EXOC6: variants seen among roughly 807,000 people sequenced by gnomAD.
EXOC6 encodes the protein SEC15-like 1.
A neutral mutation model predicts 112.5 loss-of-function variants in EXOC6; 60 were observed. The ratio of observed to expected loss-of-function variants is 0.53; its 90% CI spans 0.43 to 0.66. The LOEUF is 0.66. Among genes scored for constraint, EXOC6 ranks in the 30% least tolerant of loss-of-function variants. The pLI, the probability that EXOC6 is intolerant of heterozygous loss-of-function variation, is 0.00. For synonymous variants in EXOC6, 295 were observed against 308.0 expected (o/e 0.96, Z 0.44); for missense variants, 855 against 957.1 (o/e 0.89, Z 1.41).
At chr10:92,844,079 G>A (rs1846961571), upstream of EXOC6, among the ~76,000 whole-genome samples, 1 of 150,902 alleles carries the variant, frequency 6.6e-6, no homozygotes, top group African/African-American at 2.4e-5. Flanking sequence ...TGAACTTGGA[G>A]GGCGGAGGTT....
intron 5 of EXOC6, among the ~76,000 whole-genome samples, chr10:92,905,033 T>TC (rs1394528574): frequency 6.6e-6 from 1 of 152,218 alleles, no homozygotes; most frequent in South Asian, 2.1e-4. Flanking sequence ...GTCCAGTTGT[T>TC]CCAGCAGCAT....
intron 1 of EXOC6, among the ~76,000 whole-genome samples, chr10:92,837,103 C>A (rs1278067699): frequency 1.3e-5 from 2 of 148,944 alleles, no homozygotes; most frequent in Non-Finnish European, 1.5e-5. Flanking sequence ...ACATAACACA[C>A]ACACACACAC....
At chr10:92,957,515 T>G (rs575203495) in intron 17 of EXOC6, among the ~76,000 whole-genome samples, 1 of 152,336 alleles carries the variant, frequency 6.6e-6, no homozygotes, top group African/African-American at 2.4e-5. Flanking sequence ...AAGCCATAAC[T>G]ATCATTGCAT....
At chr10:92,842,917 A>G (rs1322526286) in intron 1 of EXOC6, among the ~76,000 whole-genome samples, 5 of 152,204 alleles carry the variant, frequency 3.3e-5, no homozygotes, top group Non-Finnish European at 5.9e-5. Context: ...ATTAAGAATT[A>G]CAAGATGGTG....
intron 17 of EXOC6, among the ~76,000 whole-genome samples, chr10:92,971,421 C>A (rs1022712256): frequency 6.6e-6 from 1 of 151,158 alleles, no homozygotes; most frequent in Admixed American, 6.6e-5. Context: ...GTCACCCAGG[C>A]TGGAGTGCAG....
intron 17 of EXOC6, among the ~76,000 whole-genome samples, chr10:92,973,595 C>T (rs537479882): frequency 6.6e-6 from 1 of 152,340 alleles, no homozygotes; most frequent in East Asian, 1.9e-4. Context: ...CTATCTCAAT[C>T]TCTTTCTCTT....
intron 19 of EXOC6, among the ~76,000 whole-genome samples, chr10:93,009,672 C>T (rs1414520683): frequency 2.0e-5 from 3 of 152,080 alleles, no homozygotes; most frequent in Non-Finnish European, 4.4e-5. Context: ...AGAGTTTACC[C>T]AGATGGAAAA....
At chr10:92,922,823 A>G (rs1851518916) in intron 8 of EXOC6, among the ~76,000 whole-genome samples, 1 of 152,130 alleles carries the variant, frequency 6.6e-6, no homozygotes, top group African/African-American at 2.4e-5. Flanking sequence ...TTAATTTCCT[A>G]ATTATCTGAT....
intron 1 of EXOC6, among the ~76,000 whole-genome samples, chr10:92,869,389 A>C (rs1848332555): frequency 6.6e-6 from 1 of 151,428 alleles, no homozygotes; most frequent in Non-Finnish European, 1.5e-5. Context: ...GCTAGCTGTA[A>C]CCTCAAATTC....
intron 1 of EXOC6, among the ~76,000 whole-genome samples, chr10:92,861,534 C>CA (rs757857824): frequency 3.3e-5 from 5 of 149,302 alleles, no homozygotes; most frequent in Non-Finnish European, 6.0e-5. Flanking sequence ...CCATACTCAC[C>CA]TTTTTTTTTT....
At chr10:93,025,746 T>G (rs1013817023) in intron 20 of EXOC6, among the ~76,000 whole-genome samples, 9 of 152,180 alleles carry the variant, frequency 5.9e-5, no homozygotes, top group African/African-American at 2.2e-4. Context: ...AATAAATGTT[T>G]TATTAAAGTA....
At chr10:92,870,596 C>T (rs1264863770) in intron 1 of EXOC6, among the ~76,000 whole-genome samples, 1 of 152,112 alleles carries the variant, frequency 6.6e-6, no homozygotes. Flanking sequence ...CACTTTGGTG[C>T]ACTTTGCACA....
At chr10:93,006,697 T>C (rs1209681005) in intron 19 of EXOC6, among the ~76,000 whole-genome samples, 2 of 152,026 alleles carry the variant, frequency 1.3e-5, no homozygotes, top group African/African-American at 4.8e-5. Flanking sequence ...TGGGATACTT[T>C]GTTTGTCTAA....
At chr10:93,008,272 TA>T (rs1170620869) in intron 19 of EXOC6, among the ~76,000 whole-genome samples, 1 of 152,020 alleles carries the variant, frequency 6.6e-6, no homozygotes, top group African/African-American at 2.4e-5. Flanking sequence ...AAAAAGGAAA[TA>T]GTCAAATTGG....
At chr10:92,887,390 ATTTTTTTTTTTT>A (rs11304638) in intron 1 of EXOC6, among the ~76,000 whole-genome samples, 1 of 83,772 alleles carries the variant, frequency 1.2e-5, no homozygotes, top group Non-Finnish European at 2.2e-5. Context: ...GATTAATTTA[ATTTTTTTTTTTT>A]TTTTTTTTTT....
chr10:92,857,186 A>G (rs1319914929), intron 1 of EXOC6, among the ~76,000 whole-genome samples: 4 of 135,372 alleles, frequency 3.0e-5, no homozygotes, highest in East Asian at 2.1e-4. Flanking sequence ...TTGCTCCTCT[A>G]TTCCTTTTTT....
rs199763883 is a variant in EXOC6 at position 92,856,483 on chromosome 10, A to G, written c.101+7849A>G. Among the ~76,000 whole-genome samples, 9 of 152,004 alleles carry G rather than the reference A, an allele frequency of 5.9e-5. No homozygotes were observed. In the East Asian group the frequency reaches 7.7e-4, roughly 13 times the overall value. On this transcript the variant is annotated intron_variant, in intron 1 of 21. Coordinates refer to ENST00000260762, the MANE Select transcript of EXOC6 (RefSeq NM_019053.6). ...ATTTAGAAGTGTGCTTAATTTCAACATATTTGTGAATTTCTAAAATGTCCT... is the reference window on the plus strand; with the variant it reads ...ATTTAGAAGTGTGCTTAATTTCAACGTATTTGTGAATTTCTAAAATGTCCT...
At chr10:92,875,978 C>T (rs1848670763) in intron 1 of EXOC6, among the ~76,000 whole-genome samples, 1 of 151,996 alleles carries the variant, frequency 6.6e-6, no homozygotes, top group Admixed American at 6.6e-5. Flanking sequence ...ACCAAAAGTA[C>T]TCCATATTTG....
upstream of EXOC6, among the ~76,000 whole-genome samples, chr10:92,844,183 T>C (rs1589681804): frequency 6.7e-6 from 1 of 150,204 alleles, no homozygotes; most frequent in Non-Finnish European, 1.5e-5. Flanking sequence ...AAGAAAAACA[T>C]GCCATTTACA....
Sources: allele counts gnomAD v4.1 joint callset (sites outside exome capture counted in the v4.1 genomes callset), GRCh38; gene constraint gnomAD v4.1.1; transcripts MANE v1.5; gene names NCBI Gene and HGNC (gene_info 2026-07-23, HGNC 2026-07-21).